TNC: variants seen among roughly 807,000 people sequenced by gnomAD.
TNC encodes the protein tenascin C.
A neutral mutation model predicts 202.4 loss-of-function variants in TNC; 109 were observed. The ratio of observed to expected loss-of-function variants is 0.54; its 90% CI spans 0.46 to 0.63. TNC has a LOEUF of 0.63. Among genes scored for constraint, TNC ranks in the 30% least tolerant of loss-of-function variants. TNC has a pLI of 0.00. For synonymous variants in TNC, 1,007 were observed against 1,089.7 expected (o/e 0.92, Z 1.50); for missense variants, 2,756 against 2,833.3 (o/e 0.97, Z 0.62).
At chr9:115,046,949 A>G (rs973799881) in intron 16 of TNC, among the ~76,000 whole-genome samples, 1 of 152,202 alleles carries the variant, frequency 6.6e-6, no homozygotes, top group Admixed American at 6.5e-5. Context: ...CAGTAAATCC[A>G]CATCTGGACT....
chr9:115,029,105 C>T lies in TNC; in HGVS notation c.6169+255G>A, dbSNP rs183619566. Among the ~76,000 whole-genome samples the T allele has an allele frequency of 8.6e-3, 1,245 of 144,846 alleles. 9 individuals are homozygous for T. The highest frequency in any genetic ancestry group is 0.015 in the Non-Finnish European group (982 of 66,842). ...TGGCTTTGTGTTCTTTTTTTCTGGG[C>T]GTGTCCTTAACGTTGGCTAAGTAAA... On this transcript the variant is annotated intron_variant, in intron 25 of 27. Transcript: ENST00000350763.
rs1312259355 is a variant in TNC, at chr9:115,073,594, C to A, written c.3214+9G>T. On this transcript the variant is annotated intron_variant, in intron 10 of 27. Coordinates refer to ENST00000350763, the MANE Select transcript of TNC (RefSeq NM_002160.4). The stretch of plus-strand genomic sequence containing the variant: ...CCTAGAGTTTGGAGGAAGCTCAGGG[C>A]AGACTCACCAGTGGATGCCTTCACA... 1 of 1,609,748 alleles carries A rather than the reference C, an allele frequency of 6.2e-7. No homozygotes were observed. The highest frequency in any genetic ancestry group is 1.3e-5 in the African/African-American group (1 of 74,966).
chr9:115,112,983 A>T (rs1028767570), intron 1 of TNC, among the ~76,000 whole-genome samples: 2 of 152,164 alleles, frequency 1.3e-5, no homozygotes, highest in African/African-American at 4.8e-5. Flanking sequence ...GGTTGCAGGG[A>T]TGTGATGTGG....
intron 16 of TNC, 61 bp from the exon 17 acceptor site, chr9:115,046,743 A>G: frequency 1.9e-6 from 3 of 1,588,402 alleles, no homozygotes; most frequent in South Asian, 1.1e-5. Context: ...CAGTCCGTGC[A>G]ATCTTCTCTC....
rs1588151367 is a variant in TNC at position 115,082,512 on chromosome 9, T to C, written c.2247+180A>G. Among the ~76,000 whole-genome samples the C allele has an allele frequency of 7.2e-5, 11 of 152,318 alleles. No individual in the cohort carries two copies. The South Asian group carries it at 2.3e-3, about 32-fold the overall frequency. ...CAGCCGTAAGTGCTACACTTACTTA[T>C]TAAAATCAGGGAAAAACCAACATCC... On this transcript the variant is annotated intron_variant, in intron 5 of 27. Coordinates refer to ENST00000350763, the MANE Select transcript of TNC (RefSeq NM_002160.4).
At chr9:115,035,170 C>A in intron 22 of TNC, 34 bp downstream of exon 22, 2 of 1,560,276 alleles carry the variant, frequency 1.3e-6, no homozygotes, top group East Asian at 2.4e-5. Context: ...AATGCTTCAA[C>A]TAGCATTGAG....
chr9:115,061,003 T>C lies in TNC; in HGVS notation c.4034-1001A>G, dbSNP rs533621493. Among the ~76,000 whole-genome samples the C allele has an allele frequency of 7.2e-4, 110 of 152,128 alleles. 1 individual carries two copies. Among genetic ancestry groups the C allele is most frequent in the Non-Finnish European group, 1.3e-3 (86 of 68,024 alleles). On this transcript the variant is annotated intron_variant, in intron 13 of 27. Coordinates refer to ENST00000350763, the MANE Select transcript of TNC (RefSeq NM_002160.4). The stretch of plus-strand genomic sequence containing the variant: ...ATGTAGAAAGGAAATTTAACGTAGT[T>C]GTTATTGGTGATTTAGAAAGTTTGG...
chr9:115,034,682 A>G (rs1275331080), intron 22 of TNC, among the ~76,000 whole-genome samples: 1 of 152,222 alleles, frequency 6.6e-6, no homozygotes, highest in Non-Finnish European at 1.5e-5. Context: ...TGGAAGGTAA[A>G]GTTTAGGAAA....
chr9:115,104,265 C>CA (rs751335410), intron 1 of TNC, among the ~76,000 whole-genome samples: 6 of 152,302 alleles, frequency 3.9e-5, no homozygotes, highest in Non-Finnish European at 7.4e-5. Context: ...AGTGAGTTCT[C>CA]AAAGTCTTGA....
chr9:115,103,625 T>C (rs1248357438), intron 1 of TNC, among the ~76,000 whole-genome samples: 1 of 152,204 alleles, frequency 6.6e-6, no homozygotes, highest in Non-Finnish European at 1.5e-5. Context: ...AGCAACTGTG[T>C]ATGGTTTCCA....
At chr9:115,115,372 A>C (rs1344604122) in intron 1 of TNC, among the ~76,000 whole-genome samples, 1 of 152,282 alleles carries the variant, frequency 6.6e-6, no homozygotes, top group African/African-American at 2.4e-5. Flanking sequence ...TGTACCTCTG[A>C]CTTGGTGATC....
rs544443029 is a variant in TNC at position 115,082,867 on chromosome 9, G to A, written c.2132-60C>T. The A allele has an allele frequency of 3.5e-5, 42 of 1,183,558 alleles. 1 individual carries two copies. The highest frequency in any genetic ancestry group is 8.7e-5 in the South Asian group (7 of 80,366). The allele number at this position is 1,183,558 out of a possible 1,614,324, so 73.3% of individuals were successfully genotyped here. A position where few individuals can be genotyped will look rare whatever the true frequency, so the allele number is the denominator to read the frequency against. ...GGGCAGGTGTGTGATTGGGCAACGC[G>A]GCCACGATTCCACTAAACCAGACTG... On this transcript the variant is annotated intron_variant, in intron 4 of 27. Coordinates refer to ENST00000350763, the MANE Select transcript of TNC (RefSeq NM_002160.4).
Position 115,063,030 on chromosome 9 carries a change from C to T in TNC, c.3920G>A (p.Ser1307Asn), listed in dbSNP as rs761808089. ...EEAHNLTVPG[S>N]LRSMEIPGLR... ...GCCTGGGATTTCCATGGAACGCAGGCTGCCAGGAACCGTGAGATTGTGAGC... is the reference window on the plus strand; with the variant it reads ...GCCTGGGATTTCCATGGAACGCAGGTTGCCAGGAACCGTGAGATTGTGAGC... The change falls in exon 13 of 28, where the codon AGC becomes AAC. Residue 1307 changes from serine to asparagine, a missense_variant. By Grantham distance (46) the Ser-to-Asn change is conservative. Transcript: ENST00000350763. 6.2e-7 allele frequency: 1 copy of T among 1,613,946 alleles called. No homozygotes were observed. Among genetic ancestry groups the T allele is most frequent in the African/African-American group, 1.3e-5 (1 of 74,876 alleles).
At position 115,026,564 on chromosome 9, in the gene TNC, G is replaced by C. The variant is rs754313538; in HGVS notation, c.6301C>G (p.Leu2101Val). The change falls in exon 26 of 28, where the codon CTG becomes GTG. Residue 2101 changes from leucine (L) to valine (V), a missense_variant. By Grantham distance (32) the Leu-to-Val change is conservative (BLOSUM62 1). This residue lies in a region of TNC where 197 missense variants were observed against 287.3 expected (regional missense o/e 0.69). Transcript: ENST00000350763. ...GTCCCACTGTACCCCTCCACCTTCA[G>C]CTTGTAGCGAGTCTTGGCATCTCCC... ...SVGDAKTRYK[L>V]KVEGYSGTAG... 5.0e-6 allele frequency: 8 copies of C among 1,613,918 alleles called. No individual in the cohort carries two copies. Among genetic ancestry groups the C allele is most frequent in the Non-Finnish European group, 6.8e-6 (8 of 1,179,974 alleles).
chr9:115,084,952 G>C (rs1245566358), intron 3 of TNC, among the ~76,000 whole-genome samples: 2 of 152,160 alleles, frequency 1.3e-5, no homozygotes, highest in Non-Finnish European at 2.9e-5. Context: ...TCTCCTCCCT[G>C]CCAGCCTGGT....
chr9:115,035,923 G>A (rs1385768414), intron 21 of TNC, 175 bp downstream of exon 21: 5 of 707,472 alleles, frequency 7.1e-6, no homozygotes, highest in African/African-American at 3.5e-5. Flanking sequence ...AGGAAATAGT[G>A]TGTTTCTTCA....
intron 10 of TNC, among the ~76,000 whole-genome samples, chr9:115,066,562 CT>C (rs1832968531): frequency 6.6e-6 from 1 of 152,116 alleles, no homozygotes; most frequent in Non-Finnish European, 1.5e-5. Flanking sequence ...AACATTCTTC[CT>C]GCTTGTTTCA....
At chr9:115,038,581 G>T (rs1220065888) in intron 19 of TNC, among the ~76,000 whole-genome samples, 2 of 152,188 alleles carry the variant, frequency 1.3e-5, no homozygotes, top group African/African-American at 4.8e-5. Flanking sequence ...GTTACTTTGG[G>T]CCTCTATATC....
intron 15 of TNC, among the ~76,000 whole-genome samples, chr9:115,051,911 T>C (rs1225820698): frequency 6.6e-6 from 1 of 152,044 alleles, no homozygotes; most frequent in Non-Finnish European, 1.5e-5. Context: ...TCCTTTATAA[T>C]AGTATCTGCT....
Sources: gnomAD v4.1 joint callset for allele counts (sites outside exome capture counted in the v4.1 genomes callset) on GRCh38, gnomAD v4.1.1 for gene constraint, gnomAD v4.1.1 regional missense constraint, MANE v1.5 for transcripts, NCBI Gene and HGNC (gene_info 2026-07-23, HGNC 2026-07-21) for gene names.